Variants in MAGI2 observed in about 807,000 individuals in gnomAD.
MAGI2 encodes the protein membrane associated guanylate kinase, WW and PDZ domain containing 2, also known as membrane-associated guanylate kinase, WW and PDZ domain-containing protein 2.
A neutral mutation model predicts 133.3 loss-of-function variants in MAGI2; 35 were observed. The ratio of observed to expected loss-of-function variants is 0.26; its 90% CI spans 0.20 to 0.35. The LOEUF is 0.35. Ranked by LOEUF, MAGI2 falls within the 10% of genes least tolerant of loss-of-function variation. The probability of loss-of-function intolerance (pLI) is 1.00; values close to 1 mark genes in which losing one functional copy is unlikely to be tolerated. For missense variants in MAGI2, 1,636 were observed against 1,863.4 expected (o/e 0.88, Z 2.25); for synonymous variants, 729 against 710.6 (o/e 1.03, Z -0.41).
chr7:78,751,677 C>T (rs759868802), intron 2 of MAGI2, among the ~76,000 whole-genome samples: 1 of 152,150 alleles, frequency 6.6e-6, no homozygotes, highest in African/African-American at 2.4e-5. Context: ...TGAAGTAATT[C>T]ACAACAGAAC....
chr7:78,147,172 C>G (rs956134394), intron 16 of MAGI2, among the ~76,000 whole-genome samples: 1 of 152,116 alleles, frequency 6.6e-6, no homozygotes, highest in Non-Finnish European at 1.5e-5. Context: ...AATGCAATTT[C>G]GCATGACTGG....
chr7:78,070,212 TATATATAC>T (rs1563080223), intron 21 of MAGI2, among the ~76,000 whole-genome samples: 1 of 56,470 alleles, frequency 1.8e-5, no homozygotes, highest in Admixed American at 2.5e-4. Context: ...TATATATATA[TATATATAC>T]ACACACACAC....
intron 6 of MAGI2, among the ~76,000 whole-genome samples, chr7:78,436,828 A>G (rs545171543): frequency 6.6e-6 from 1 of 152,270 alleles, no homozygotes; most frequent in Admixed American, 6.5e-5. Flanking sequence ...CCAACAGATG[A>G]CTTTCAAAGC....
At chr7:78,406,435 A>G (rs938376600) in intron 6 of MAGI2, among the ~76,000 whole-genome samples, 3 of 152,082 alleles carry the variant, frequency 2.0e-5, no homozygotes, top group Admixed American at 1.3e-4. Context: ...AAAATTAATC[A>G]CATATTTTCC....
intron 2 of MAGI2, among the ~76,000 whole-genome samples, chr7:78,645,388 CA>C (rs1810761369): frequency 6.6e-6 from 1 of 152,018 alleles, no homozygotes; most frequent in South Asian, 2.1e-4. Context: ...TCCTCATGAA[CA>C]TACATACAAA....
At chr7:79,377,750 TG>T (rs773041059) in intron 1 of MAGI2, among the ~76,000 whole-genome samples, 7 of 151,720 alleles carry the variant, frequency 4.6e-5, no homozygotes, top group Non-Finnish European at 8.8e-5. Flanking sequence ...GTGACTTGAT[TG>T]TGGAAAATTG....
chr7:78,375,126 C>T (rs1001485446), intron 6 of MAGI2, among the ~76,000 whole-genome samples: 56 of 152,130 alleles, frequency 3.7e-4, no homozygotes, highest in African/African-American at 1.0e-3. Context: ...TACATGGGTG[C>T]ACCACCATTC....
chr7:79,391,857 T>G (rs1343450164), intron 1 of MAGI2, among the ~76,000 whole-genome samples: 2 of 151,986 alleles, frequency 1.3e-5, no homozygotes. Flanking sequence ...CTAATTTTTT[T>G]GTATTTTTAG....
At chr7:78,246,809 A>T (rs1193788595) in intron 10 of MAGI2, among the ~76,000 whole-genome samples, 1 of 152,074 alleles carries the variant, frequency 6.6e-6, no homozygotes, top group Admixed American at 6.5e-5. Context: ...ACCAGGCCCA[A>T]ATCTCCATAG....
At chr7:79,198,230 G>T (rs777888804) in intron 1 of MAGI2, among the ~76,000 whole-genome samples, 1 of 151,168 alleles carries the variant, frequency 6.6e-6, no homozygotes, top group Non-Finnish European at 1.5e-5. Context: ...TCCTGCCTGG[G>T]TGACAGAGTG....
chr7:78,888,248 G>A (rs998530872), intron 2 of MAGI2, among the ~76,000 whole-genome samples: 4 of 152,196 alleles, frequency 2.6e-5, no homozygotes, highest in Admixed American at 6.5e-5. Context: ...GAATTGGGTG[G>A]AGCCCACCAC....
At chr7:78,471,752 C>T (rs1189901980) in intron 6 of MAGI2, among the ~76,000 whole-genome samples, 2 of 151,902 alleles carry the variant, frequency 1.3e-5, no homozygotes, top group South Asian at 4.1e-4. Flanking sequence ...TAGTGAAACC[C>T]CGTGTCTACT....
chr7:79,198,646 T>C (rs1828307694), intron 1 of MAGI2, among the ~76,000 whole-genome samples: 2 of 151,934 alleles, frequency 1.3e-5, no homozygotes, highest in South Asian at 4.2e-4. Flanking sequence ...TCCCAGCACT[T>C]TGGGAGGCCG....
intron 1 of MAGI2, among the ~76,000 whole-genome samples, chr7:79,201,761 A>C (rs565040199): frequency 6.6e-6 from 1 of 152,128 alleles, no homozygotes; most frequent in Admixed American, 6.5e-5. Context: ...TACTATTTGC[A>C]TAATAAAAAT....
intron 1 of MAGI2, among the ~76,000 whole-genome samples, chr7:79,068,992 T>G (rs989492663): frequency 7.1e-6 from 1 of 141,246 alleles, no homozygotes; most frequent in African/African-American, 2.6e-5. Flanking sequence ...ATTGGCTGAG[T>G]TTTTTTTTTT....
chr7:79,004,193 C>T (rs1036791078), intron 2 of MAGI2, among the ~76,000 whole-genome samples: 5 of 152,078 alleles, frequency 3.3e-5, no homozygotes, highest in African/African-American at 1.2e-4. Flanking sequence ...ATAGCAAAGA[C>T]AAGGACTCAA....
intron 1 of MAGI2, among the ~76,000 whole-genome samples, chr7:79,117,629 T>G (rs983460019): frequency 1.3e-5 from 2 of 152,218 alleles, no homozygotes; most frequent in Non-Finnish European, 2.9e-5. Flanking sequence ...AAAGTTCAGC[T>G]TTTATCTGTA....
intron 1 of MAGI2, among the ~76,000 whole-genome samples, chr7:79,241,512 T>C (rs1832412767): frequency 6.6e-6 from 1 of 152,156 alleles, no homozygotes; most frequent in Non-Finnish European, 1.5e-5. Flanking sequence ...CTTCCTCCCT[T>C]ATTCTGGGGA....
chr7:78,524,216 C>A (rs550115087), intron 3 of MAGI2, among the ~76,000 whole-genome samples: 5 of 152,234 alleles, frequency 3.3e-5, no homozygotes, highest in Admixed American at 3.3e-4. Context: ...TCAGGGGCCT[C>A]CCCGGGTAGA....
Sources: allele counts gnomAD v4.1 joint callset (sites outside exome capture counted in the v4.1 genomes callset), GRCh38; gene constraint gnomAD v4.1.1; transcripts MANE v1.5; gene names NCBI Gene and HGNC (gene_info 2026-07-23, HGNC 2026-07-21).